LTBP4: variants seen among roughly 807,000 people sequenced by gnomAD.
LTBP4 encodes latent-transforming growth factor beta-binding protein 4.
In LTBP4, 93 loss-of-function variants were observed where a neutral mutation model predicts 180.2. The ratio of observed to expected loss-of-function variants is 0.52; its 90% CI spans 0.44 to 0.61. The LOEUF (loss-of-function observed/expected upper bound fraction) is 0.61. Ranked by LOEUF, LTBP4 falls within the 20% of genes least tolerant of loss-of-function variation. LTBP4 has a pLI of 0.00. For missense variants in LTBP4, 2,116 were observed against 2,256.5 expected, an observed-to-expected ratio of 0.94 and a Z score of 1.26; for synonymous variants, 947 against 934.5, an observed-to-expected ratio of 1.01 and a Z score of -0.24.
chr19:40,619,212 T>A, intron 21 of LTBP4, 135 bp from the exon 22 acceptor site: 1 of 872,500 alleles, frequency 1.1e-6, no homozygotes, highest in Non-Finnish European at 1.7e-6. Flanking sequence ...GGTTTCTCAC[T>A]AGAAGAAAAA....
At position 40,624,095 on chromosome 19, in the gene LTBP4, A is replaced by G; in HGVS notation, c.3832+13A>G. On this transcript the variant is annotated intron_variant, in intron 26 of 29. Transcript: ENST00000396819. Reference sequence around the variant, plus strand: ...AGCCAGAGCCTCGGTAACCCCGCCCACGCCATCCAGGCCCTCCTTCCCTTG... The same window carrying G: ...AGCCAGAGCCTCGGTAACCCCGCCCGCGCCATCCAGGCCCTCCTTCCCTTG... The G allele has an allele frequency of 2.0e-6, 3 of 1,526,542 alleles. No individual in the cohort carries two copies. The highest frequency in any genetic ancestry group is 1.4e-5 in the African/African-American group (1 of 72,880). 94.6% of individuals were successfully genotyped at this position (1,526,542 alleles called of 1,614,324 possible).
In LTBP4 at chr19:40,606,276, C is replaced by G; in HGVS notation, c.837C>G (p.Thr279=). 6.2e-7 allele frequency: 1 copy of G among 1,600,880 alleles called. No individual in the cohort carries two copies. Among genetic ancestry groups the G allele is most frequent in the Non-Finnish European group, 8.5e-7 (1 of 1,173,740 alleles). The change falls in exon 5 of 30, where the codon ACC becomes ACG. Residue 279 remains threonine (T), a synonymous_variant. Transcript: ENST00000396819. Reference sequence around the variant, plus strand: ...GCGCCCCAGATGGACCTTGTCCAACCGGCTTTGAAAGAGTTAATGGGTCCT... The same window carrying G: ...GCGCCCCAGATGGACCTTGTCCAACGGGCTTTGAAAGAGTTAATGGGTCCT... ...RVSAPDGPCP[T]GFERVNGSCE...
At chr19:40,623,755 C>A (rs775933266) in intron 25 of LTBP4, 23 bp downstream of exon 25, 2 of 1,612,886 alleles carry the variant, frequency 1.2e-6, no homozygotes, top group African/African-American at 2.7e-5. Context: ...CCTCCCCCAA[C>A]CCCCGGCAAC....
intron 1 of LTBP4, among the ~76,000 whole-genome samples, chr19:40,594,285 C>T (rs975098257): frequency 3.4e-5 from 5 of 147,100 alleles, no homozygotes; most frequent in African/African-American, 1.0e-4. Context: ...TTCTGGAATG[C>T]GGGGGGACTA....
At chr19:40,606,105 C>A in intron 4 of LTBP4, 128 bp from the exon 5 acceptor site, 2 of 934,740 alleles carry the variant, frequency 2.1e-6, no homozygotes, top group Non-Finnish European at 1.7e-6. Context: ...AACTGCCAAC[C>A]TAAGGCTGTC....
At chr19:40,623,126 C>G (rs2081598496) in intron 24 of LTBP4, 105 bp downstream of exon 24, 1 of 784,050 alleles carries the variant, frequency 1.3e-6, no homozygotes, top group Non-Finnish European at 1.9e-6. Flanking sequence ...TTCTCTGTAT[C>G]TGTCTCCCCG....
intron 11 of LTBP4, chr19:40,610,223 ACCGCGACC>A (rs1311660044): frequency 1.0e-5 from 5 of 489,318 alleles, no homozygotes; most frequent in African/African-American, 2.0e-5. Context: ...CAATCTCCTG[ACCGCGACC>A]CCGATTCCAA....
intron 27 of LTBP4, 136 bp downstream of exon 27, chr19:40,626,145 C>T: frequency 1.0e-6 from 1 of 999,798 alleles, no homozygotes. Context: ...TGTCGCAGCC[C>T]ATCCCAAAAT....
chr19:40,628,024 CT>C (rs367641964), intron 29 of LTBP4, among the ~76,000 whole-genome samples, 167 bp downstream of exon 29: 213 of 152,340 alleles, frequency 1.4e-3, no homozygotes, highest in African/African-American at 4.9e-3. Flanking sequence ...TGGGGCTTGA[CT>C]GAAGAAGGCG....
intron 26 of LTBP4, among the ~76,000 whole-genome samples, chr19:40,625,452 C>A (rs986465541): frequency 1.3e-5 from 2 of 150,956 alleles, no homozygotes; most frequent in East Asian, 3.9e-4. Context: ...GTGCTTCTTG[C>A]CACCTCTCTT....
At position 40,623,995 on chromosome 19, in the gene LTBP4, G is replaced by A; in HGVS notation, c.3745G>A (p.Val1249Met). 6.2e-7 allele frequency: 1 copy of A among 1,613,522 alleles called. No homozygotes were observed. Among genetic ancestry groups the A allele is most frequent in the Non-Finnish European group, 8.5e-7 (1 of 1,179,728 alleles). ...ACEGGRCVNT[V>M]GSYHCTCEPP... Reference sequence around the variant, plus strand: ...TGAGGGCGGCCGCTGTGTCAACACTGTGGGCTCTTATCACTGTACCTGCGA... The same window carrying A: ...TGAGGGCGGCCGCTGTGTCAACACTATGGGCTCTTATCACTGTACCTGCGA... Residue 1249 changes from valine (V) to methionine (M), a missense_variant, in exon 26 of 30, where the codon GTG becomes ATG. Val to Met is a conservative substitution (Grantham distance 21). Around this residue, in one of 5 missense-constraint regions of LTBP4, gnomAD observed 488 missense variants for 458.8 expected, o/e 1.06. Coordinates refer to ENST00000396819, the MANE Select transcript of LTBP4 (RefSeq NM_001042545.2).
At position 40,605,021 on chromosome 19, in the gene LTBP4, C is replaced by CG. The variant is rs1177870250; in HGVS notation, c.251-13dup. The CG allele has an allele frequency of 2.3e-5, 36 of 1,598,968 alleles. No individual in the cohort carries two copies. Among genetic ancestry groups the CG allele is most frequent in the Admixed American group, 1.2e-4 (7 of 58,888 alleles). ...GAATGGTGGCGCCCCTGAGTGTCCTCGTTCTCCTCCCAGTCCTGTGTCCCT... is the reference window on the plus strand; with the variant it reads ...GAATGGTGGCGCCCCTGAGTGTCCTCGGTTCTCCTCCCAGTCCTGTGTCCCT... On this transcript the variant is annotated splice_polypyrimidine_tract_variant and intron_variant, in intron 1 of 29. Coordinates refer to ENST00000396819, the MANE Select transcript of LTBP4 (RefSeq NM_001042545.2). The surrounding 1 kb of genome is among the most constrained non-coding windows in gnomAD (Gnocchi z 5.5).
chr19:40,610,110 G>A (rs1007615379), intron 11 of LTBP4: 1 of 548,780 alleles, frequency 1.8e-6, no homozygotes, highest in South Asian at 3.0e-5. Context: ...GTCGCAACTC[G>A]TATTGCTCCG....
At chr19:40,596,692 T>C (rs2081392226), upstream of LTBP4, among the ~76,000 whole-genome samples, 1 of 152,090 alleles carries the variant, frequency 6.6e-6, no homozygotes, top group Non-Finnish European at 1.5e-5. Flanking sequence ...GGGCAGGACC[T>C]GGGGGCTGGT....
At chr19:40,625,333 TGG>T (rs2081626236) in intron 26 of LTBP4, among the ~76,000 whole-genome samples, 2 of 107,954 alleles carry the variant, frequency 1.9e-5, no homozygotes, top group African/African-American at 3.7e-5. Flanking sequence ...TTTTTAAAGA[TGG>T]GTTTTTGCCA....
chr19:40,607,728 CCT>C (rs2081473929), intron 7 of LTBP4, among the ~76,000 whole-genome samples, 199 bp downstream of exon 7: 1 of 152,224 alleles, frequency 6.6e-6, no homozygotes, highest in South Asian at 2.1e-4. Context: ...CACAGCCACC[CCT>C]CCATTCGTAG....
intron 1 of LTBP4, among the ~76,000 whole-genome samples, chr19:40,593,785 T>G (rs981319055): frequency 2.0e-5 from 3 of 151,866 alleles, no homozygotes; most frequent in African/African-American, 7.3e-5. Context: ...GTTTAAATTT[T>G]TATTATTTTC....
intron 24 of LTBP4, 27 bp from the exon 25 acceptor site, chr19:40,623,577 C>G (rs1285417948): frequency 1.2e-6 from 2 of 1,604,970 alleles, no homozygotes; most frequent in East Asian, 2.2e-5. Context: ...CAGCCCGCCC[C>G]CATCTCTCTC....
At chr19:40,617,353 T>C in intron 21 of LTBP4, 128 bp downstream of exon 21, 1 of 1,291,684 alleles carries the variant, frequency 7.7e-7, no homozygotes, top group Non-Finnish European at 1.0e-6. Context: ...GAATATAAGA[T>C]CATCTTCATG....
Sources: allele counts gnomAD v4.1 joint callset (sites outside exome capture counted in the v4.1 genomes callset), GRCh38; gene constraint gnomAD v4.1.1; regional missense constraint gnomAD v4.1.1; non-coding constraint Gnocchi (gnomAD v3.1); transcripts MANE v1.5; gene names NCBI Gene and HGNC (gene_info 2026-07-23, HGNC 2026-07-21).